Variants in CCDC137 observed in about 807,000 individuals in gnomAD.
The protein encoded by CCDC137 is coiled-coil domain containing 137, also known as coiled-coil domain-containing protein 137.
CCDC137 carries 24 observed loss-of-function variants against 30.4 expected under a neutral mutation model. The observed-to-expected ratio is 0.79, with a 90% CI of 0.57 to 1.11. The LOEUF (loss-of-function observed/expected upper bound fraction) is 1.11, where lower values mean the gene tolerates loss of function less well. Among genes scored for constraint, CCDC137 ranks in the 50% least tolerant of loss-of-function variants. The pLI, the probability that CCDC137 is intolerant of heterozygous loss-of-function variation, is 0.00. For missense variants in CCDC137, 417 were observed against 380.4 expected (o/e 1.10, Z -0.80); for synonymous variants, 182 against 155.7 (o/e 1.17, Z -1.26).
At position 81,672,813 on chromosome 17, in the gene CCDC137, C is replaced by T. The variant is rs1383272892; in HGVS notation, c.*109C>T. ...TGCCAGCAGTGTGGGGTGAGGCCTC[C>T]AGCTACTTGTTCACACGTTGGGCAC... On this transcript the variant is annotated 3_prime_UTR_variant, in exon 6 of 6. Transcript: ENST00000329214. 7 of 1,048,828 alleles carry T rather than the reference C, an allele frequency of 6.7e-6. No homozygotes were observed. The highest frequency in any genetic ancestry group is 2.7e-5 in the Admixed American group (1 of 36,790). The allele number at this position is 1,048,828 out of a possible 1,614,324, so 65.0% of individuals were successfully genotyped here.
At chr17:81,667,484 C>G (rs1359642008) in intron 1 of CCDC137, among the ~76,000 whole-genome samples, 2 of 151,940 alleles carry the variant, frequency 1.3e-5, no homozygotes, top group African/African-American at 4.8e-5. Context: ...CCCGCCACCA[C>G]GCCCGGCAAA....
At position 81,667,815 on chromosome 17, in the gene CCDC137, G is replaced by T. The variant is rs748091926; in HGVS notation, c.221G>T (p.Arg74Leu). The T allele has an allele frequency of 6.8e-6, 11 of 1,612,334 alleles. No homozygotes were observed. Among genetic ancestry groups the T allele is most frequent in the Non-Finnish European group, 9.3e-6 (11 of 1,179,962 alleles). ...PFRLREIMRSRQEMKNPISNK... is the reference protein window; with the variant it reads ...PFRLREIMRSLQEMKNPISNK... ...CGGCTCCGGGAGATTATGAGGAGCC[G>T]CCAAGAGATGAAAAACCCGATCAGT... is the stretch of plus-strand genomic sequence containing the variant. The change falls in exon 2 of 6, where the codon CGC becomes CTC. Residue 74 changes from arginine to leucine, a missense_variant. Coordinates refer to ENST00000329214, the MANE Select transcript of CCDC137 (RefSeq NM_199287.3).
intron 2 of CCDC137, among the ~76,000 whole-genome samples, chr17:81,668,576 T>C (rs949758368): frequency 3.3e-5 from 5 of 152,192 alleles, no homozygotes; most frequent in African/African-American, 1.2e-4. Flanking sequence ...TGTTGGGGGT[T>C]ATATGGCTGC....
rs187321360 is a variant in CCDC137 at position 81,668,069 on chromosome 17, G to A, written c.268+207G>A. On this transcript the variant is annotated intron_variant, in intron 2 of 5. Transcript: ENST00000329214. ...GAGGCTTGGAAGGAGGCTGTGGGGTGGGCGGGGAGGACCCGTTATGGGGCC... is the reference window on the plus strand; with the variant it reads ...GAGGCTTGGAAGGAGGCTGTGGGGTAGGCGGGGAGGACCCGTTATGGGGCC... 2.2e-4 allele frequency among the ~76,000 whole-genome samples: 33 copies of A among 152,314 alleles called. No individual in the cohort carries two copies. The East Asian group carries it at 5.4e-3, about 25-fold the overall frequency.
At chr17:81,668,318 T>C (rs948117359) in intron 2 of CCDC137, among the ~76,000 whole-genome samples, 5 of 152,042 alleles carry the variant, frequency 3.3e-5, no homozygotes, top group Admixed American at 3.3e-4. Context: ...TAGAGAGAAG[T>C]GGGTGGAGTC....
In CCDC137 at chr17:81,667,836, T is replaced by G; in HGVS notation, c.242T>G (p.Ile81Ser). Residue 81 changes from isoleucine to serine, a missense_variant, in exon 2 of 6, where the codon ATC becomes AGC. By Grantham distance (142) the Ile-to-Ser change is moderately radical. Coordinates refer to ENST00000329214, the MANE Select transcript of CCDC137 (RefSeq NM_199287.3). ...MRSRQEMKNP[I>S]SNKKRKKAAQ... ...AGCCGCCAAGAGATGAAAAACCCGATCAGTAACAAGAAGAGGAAGAAAGCA... is the reference window on the plus strand; with the variant it reads ...AGCCGCCAAGAGATGAAAAACCCGAGCAGTAACAAGAAGAGGAAGAAAGCA... 1 of 1,611,762 alleles carries G rather than the reference T, an allele frequency of 6.2e-7. No individual in the cohort carries two copies. Among genetic ancestry groups the G allele is most frequent in the Non-Finnish European group, 8.5e-7 (1 of 1,179,928 alleles).
At chr17:81,672,340 GAAAAA>G (rs35384619) in intron 5 of CCDC137, among the ~76,000 whole-genome samples, 150 bp from the exon 6 acceptor site, 2 of 147,326 alleles carry the variant, frequency 1.4e-5, no homozygotes, top group African/African-American at 5.0e-5. Context: ...CCTGTGTCAA[GAAAAA>G]AAAAAACCCT....
Position 81,670,405 on chromosome 17 carries a change from T to C in CCDC137, c.449T>C (p.Val150Ala). Reference sequence around the variant, plus strand: ...AACCAGGCCATCCGGCAGCCAGAGGTGCAGGCAGCTCCCAAGGAGAAGTCT... The same window carrying C: ...AACCAGGCCATCCGGCAGCCAGAGGCGCAGGCAGCTCCCAAGGAGAAGTCT... ...SKNQAIRQPE[V>A]QAAPKEKSEQ... Residue 150 changes from valine (V) to alanine (A), a missense_variant, in exon 3 of 6, where the codon GTG becomes GCG. By Grantham distance (64) the Val-to-Ala change is moderately conservative. Coordinates refer to ENST00000329214, the MANE Select transcript of CCDC137 (RefSeq NM_199287.3). 2.5e-6 allele frequency: 4 copies of C among 1,613,390 alleles called. No individual in the cohort carries two copies. Among genetic ancestry groups the C allele is most frequent in the Non-Finnish European group, 3.4e-6 (4 of 1,179,962 alleles).
Position 81,673,420 on chromosome 17 carries a change from GAGT to G in CCDC137, c.*717_*719del, listed in dbSNP as rs1415291314. The G allele has an allele frequency of 4.6e-5, 7 of 152,188 alleles. No homozygotes were observed. Among genetic ancestry groups the G allele is most frequent in the Non-Finnish European group, 1.0e-4 (7 of 68,030 alleles). The allele number at this position is 152,188 out of a possible 1,614,324, so 9.4% of individuals were successfully genotyped here. On this transcript the variant is annotated 3_prime_UTR_variant, in exon 6 of 6. Transcript: ENST00000329214. ...GAAGAAAAAAAAAACAGTGGGAACAGAGTTGTCACCTACCTAACAGGGCTCTGA... is the reference window on the plus strand; with the variant it reads ...GAAGAAAAAAAAAACAGTGGGAACAGTGTCACCTACCTAACAGGGCTCTGA...
At chr17:81,670,971 CA>C (rs886995926) in intron 3 of CCDC137, among the ~76,000 whole-genome samples, 35 of 144,458 alleles carry the variant, frequency 2.4e-4, no homozygotes, top group Admixed American at 2.8e-4. Context: ...TAATAAAATA[CA>C]AAAAAAAAAA....
At chr17:81,668,561 C>T (rs1166298341) in intron 2 of CCDC137, among the ~76,000 whole-genome samples, 1 of 152,128 alleles carries the variant, frequency 6.6e-6, no homozygotes, top group Non-Finnish European at 1.5e-5. Flanking sequence ...AAACTGTAGG[C>T]TTCTTGTTGG....
chr17:81,668,508 G>T (rs1045122064), intron 2 of CCDC137, among the ~76,000 whole-genome samples: 1 of 152,160 alleles, frequency 6.6e-6, no homozygotes, highest in Non-Finnish European at 1.5e-5. Context: ...CTTCCCAAAC[G>T]TGGCACTGGT....
Position 81,671,754 on chromosome 17 carries a change from C to T in CCDC137, c.508C>T (p.Arg170Trp), listed in dbSNP as rs184068585. Residue 170 changes from arginine (R) to tryptophan (W), a missense_variant, in exon 4 of 6, where the codon CGG becomes TGG. Arg to Trp is a moderately radical substitution (Grantham distance 101). Transcript: ENST00000329214. The stretch of plus-strand genomic sequence containing the variant: ...TGCTTTCTTCCCCAGGTTCCAGAAG[C>T]GGCGACTAGATAAAGTCCGACGGAA... ...QKKAKKAFQK[R>W]RLDKVRRKKE... is the part of the protein sequence containing the mutation. The T allele has an allele frequency of 3.9e-5, 63 of 1,611,976 alleles. No individual in the cohort carries two copies. Among genetic ancestry groups the T allele is most frequent in the Admixed American group, 2.0e-4 (12 of 59,604 alleles).
chr17:81,667,984 G>C (rs1309763917), intron 2 of CCDC137, 122 bp downstream of exon 2: 1 of 1,236,730 alleles, frequency 8.1e-7, no homozygotes, highest in Non-Finnish European at 1.1e-6. Flanking sequence ...CTCAGAAGGT[G>C]GGGGAGCGTG....
At chr17:81,668,535 TTTA>T (rs1466161771) in intron 2 of CCDC137, among the ~76,000 whole-genome samples, 1 of 152,180 alleles carries the variant, frequency 6.6e-6, no homozygotes, top group Non-Finnish European at 1.5e-5. Context: ...GCAAAGCTGT[TTTA>T]TAATTTGTGT....
chr17:81,671,423 A>G (rs1482660988), intron 3 of CCDC137, among the ~76,000 whole-genome samples: 1 of 152,198 alleles, frequency 6.6e-6, no homozygotes, highest in Non-Finnish European at 1.5e-5. Flanking sequence ...GGTCTTTGGC[A>G]GCCTTCCCAG....
At chr17:81,667,388 C>T (rs1331960257) in intron 1 of CCDC137, among the ~76,000 whole-genome samples, 3 of 145,734 alleles carry the variant, frequency 2.1e-5, no homozygotes, top group African/African-American at 7.7e-5. Context: ...AGTGCAGTGG[C>T]GCGATCTCGG....
chr17:81,671,090 C>T (rs148342679), intron 3 of CCDC137, among the ~76,000 whole-genome samples: 14,294 of 151,524 alleles, frequency 0.094, 899 homozygotes, highest in Middle Eastern at 0.16. Flanking sequence ...TGAGATCGTG[C>T]CGCTGCACTC....
At chr17:81,667,544 G>A (rs2036654317) in intron 1 of CCDC137, among the ~76,000 whole-genome samples, 185 bp from the exon 2 acceptor site, 1 of 152,028 alleles carries the variant, frequency 6.6e-6, no homozygotes, top group Admixed American at 6.6e-5. Flanking sequence ...AGTCAGGATG[G>A]TCTCGATCTC....
Sources: allele counts gnomAD v4.1 joint callset (sites outside exome capture counted in the v4.1 genomes callset), GRCh38; gene constraint gnomAD v4.1.1; transcripts MANE v1.5; gene names NCBI Gene and HGNC (gene_info 2026-07-23, HGNC 2026-07-21).